Variants in BEND2 observed in about 807,000 individuals in gnomAD.
BEND2 encodes the protein BEN domain containing 2, also known as BEN domain-containing protein 2.
BEND2 carries 19 observed loss-of-function variants against 43.8 expected under a neutral mutation model. The observed-to-expected ratio is 0.43, with a 90% CI of 0.30 to 0.64. The LOEUF is 0.64. BEND2 is among the 30% of genes least tolerant of loss of function. BEND2 has a pLI of 0.11. For missense variants in BEND2, 544 were observed against 574.0 expected, an observed-to-expected ratio of 0.95 and a Z score of 0.53; for synonymous variants, 226 against 210.1, an observed-to-expected ratio of 1.08 and a Z score of -0.66.
At chrX:18,184,898 A>C (rs766955174) in intron 8 of BEND2, among the ~76,000 whole-genome samples, 2 of 110,630 alleles carry the variant, frequency 1.8e-5, no homozygotes, top group Admixed American at 9.8e-5. Context: ...TTTTGAGGAA[A>C]CTCAAAGAAA....
chrX:18,167,291 A>AT (rs1377545706), intron 13 of BEND2, among the ~76,000 whole-genome samples: 2 of 110,870 alleles, frequency 1.8e-5, no homozygotes, highest in Non-Finnish European at 3.8e-5. Flanking sequence ...AGAAAAAAAA[A>AT]GAAAGAAAGA....
intron 6 of BEND2, among the ~76,000 whole-genome samples, chrX:18,196,405 A>G (rs761769078): frequency 1.8e-5 from 2 of 111,345 alleles, no homozygotes. Context: ...AATGTTTGGC[A>G]GTTTCTTATA....
chrX:18,207,892 G>C (rs1179450731), intron 4 of BEND2, among the ~76,000 whole-genome samples: 1 of 111,184 alleles, frequency 9.0e-6, no homozygotes, highest in African/African-American at 3.3e-5. Context: ...GGTGGCGCAC[G>C]CCTGTAATCC....
intron 4 of BEND2, among the ~76,000 whole-genome samples, chrX:18,207,148 C>A (rs1012162833): frequency 1.8e-5 from 2 of 111,804 alleles, no homozygotes; most frequent in South Asian, 7.6e-4. Context: ...CACTTCCCCC[C>A]AAGACTGCAT....
rs186679187 is a variant in BEND2, at chrX:18,191,744, C to T, written c.1181-636G>A. ...TGCCTGTGGTAGAGGATACATGAAC[C>T]TAAACATATGATAAAAATTGAACTA... On this transcript the variant is annotated intron_variant, in intron 7 of 13. Coordinates refer to ENST00000380033, the MANE Select transcript of BEND2 (RefSeq NM_153346.5). Among the ~76,000 whole-genome samples, 8 of 111,793 alleles carry T rather than the reference C, an allele frequency of 7.2e-5. No homozygotes were observed. The East Asian group carries it at 2.2e-3, about 31-fold the overall frequency.
chrX:18,186,510 A>C (rs1318366182), intron 8 of BEND2, among the ~76,000 whole-genome samples: 1 of 109,481 alleles, frequency 9.1e-6, no homozygotes, highest in African/African-American at 3.3e-5. Flanking sequence ...AGAGAAACAA[A>C]AAGTTAAAAA....
chrX:18,180,972 G>A (rs766180166), intron 8 of BEND2, among the ~76,000 whole-genome samples: 4 of 109,937 alleles, frequency 3.6e-5, no homozygotes, highest in African/African-American at 6.6e-5. Context: ...ATGGGGTTTC[G>A]CCATGTTGGC....
chrX:18,191,750 A>G (rs1924778681), intron 7 of BEND2, among the ~76,000 whole-genome samples: 1 of 112,035 alleles, frequency 8.9e-6, no homozygotes, highest in South Asian at 3.7e-4. Context: ...GAACCTAAAC[A>G]TATGATAAAA....
At position 18,196,301 on chromosome X, in the gene BEND2, G is replaced by GA. The variant is rs1203100598; in HGVS notation, c.1034-860dup. 3.7e-3 allele frequency among the ~76,000 whole-genome samples: 313 copies of GA among 83,652 alleles called. 2 individuals are homozygous for GA. The highest frequency in any genetic ancestry group is 0.017 in the Middle Eastern group (3 of 172). The allele number at this position is 83,652 out of a possible 115,157, so 72.6% of individuals were successfully genotyped here. ...ATGACAGAGCGAGACTGTCTCAATT[G>GA]AAAAAAAAAAAAGGAAAGAAGAGAA... On this transcript the variant is annotated intron_variant, in intron 6 of 13. Transcript: ENST00000380033.
At chrX:18,201,766 T>G in intron 6 of BEND2, 49 bp downstream of exon 6, 1 of 1,169,444 alleles carries the variant, frequency 8.6e-7, no homozygotes, top group Non-Finnish European at 1.1e-6. Context: ...GTGCTGGGAT[T>G]ACAAGTGTGA....
At chrX:18,203,164 G>A (rs1602049311) in intron 5 of BEND2, among the ~76,000 whole-genome samples, 1 of 111,402 alleles carries the variant, frequency 9.0e-6, no homozygotes, top group Non-Finnish European at 1.9e-5. Flanking sequence ...GTTATAGAAA[G>A]GCAAGACAAG....
In BEND2 at chrX:18,165,032, C is replaced by T. The variant is rs778736205; in HGVS notation, c.2377G>A (p.Asp793Asn). The T allele has an allele frequency of 1.7e-5, 20 of 1,206,628 alleles. No individual in the cohort carries two copies. The highest frequency in any genetic ancestry group is 5.9e-5 in the East Asian group (2 of 33,701). ...GTTCAGGTGCTTGGGTCAGTGGCGT[C>T]GGGATCTCCTGGCTTTGACTCCTGC... is the stretch of plus-strand genomic sequence containing the variant. ...LEQESKPGDP[D>N]ATDPST The change falls in exon 14 of 14, where the codon GAC becomes AAC. Residue 793 changes from aspartate to asparagine, a missense_variant. This residue lies in a region of BEND2 where 43 missense variants were observed against 72.4 expected (regional missense o/e 0.59). Transcript: ENST00000380033.
intron 4 of BEND2, among the ~76,000 whole-genome samples, chrX:18,209,504 C>CA (rs956052673): frequency 2.7e-5 from 3 of 111,147 alleles, no homozygotes; most frequent in Non-Finnish European, 5.7e-5. Context: ...TTAACATCAC[C>CA]AATAAAAAAA....
chrX:18,173,695 T>C (rs1924046033), intron 12 of BEND2, among the ~76,000 whole-genome samples: 1 of 111,624 alleles, frequency 9.0e-6, no homozygotes, highest in South Asian at 3.8e-4. Context: ...GCACCTGCAA[T>C]GTGCCAGGCA....
chrX:18,186,572 G>T (rs1485808911), intron 8 of BEND2, among the ~76,000 whole-genome samples: 1 of 109,980 alleles, frequency 9.1e-6, no homozygotes, highest in Non-Finnish European at 1.9e-5. Context: ...TTTGCTTGTT[G>T]GTTGGTTTGT....
At chrX:18,212,435 C>A in intron 4 of BEND2, 130 bp downstream of exon 4, 1 of 473,249 alleles carries the variant, frequency 2.1e-6, no homozygotes, top group Admixed American at 3.6e-5. Flanking sequence ...TAAGTATACA[C>A]ATTTATCAAA....
Position 18,164,908 on chromosome X carries a change from T to C in BEND2, c.*101A>G. 1.1e-6 allele frequency: 1 copy of C among 907,053 alleles called. No homozygotes were observed. Among genetic ancestry groups the C allele is most frequent in the South Asian group, 2.4e-5 (1 of 41,695 alleles). 74.8% of individuals were successfully genotyped at this position (907,053 alleles called of 1,213,427 possible). A position where few individuals can be genotyped will look rare whatever the true frequency, so the allele number is the denominator to read the frequency against. The stretch of plus-strand genomic sequence containing the variant: ...GATTACTACAGGTGTCAATGCAAAC[T>C]ACTCTGCCAGTACAGCAGGCTGATT... On this transcript the variant is annotated 3_prime_UTR_variant, in exon 14 of 14. Transcript: ENST00000380033.
At chrX:18,207,179 G>A (rs903484424) in intron 4 of BEND2, among the ~76,000 whole-genome samples, 5 of 111,832 alleles carry the variant, frequency 4.5e-5, no homozygotes, top group Non-Finnish European at 5.6e-5. Context: ...GAAGCACTCC[G>A]CTTCTGTTCT....
chrX:18,177,576 T>C lies in BEND2; in HGVS notation c.1623A>G (p.Ala541=), dbSNP rs982597879. The change falls in exon 10 of 14, where the codon GCA becomes GCG. Residue 541 remains alanine, a synonymous_variant. Coordinates refer to ENST00000380033, the MANE Select transcript of BEND2 (RefSeq NM_153346.5). ...CACTTTATGTACACATACCTCTCAA[T>C]GCAGCCATTTTGTTCGGGTCGAGGG... The part of the protein sequence containing the change: ...SQSLDPNKMA[A]LREYLATTFP... 1 of 1,208,374 alleles carries C rather than the reference T, an allele frequency of 8.3e-7. No individual in the cohort carries two copies. Among genetic ancestry groups the C allele is most frequent in the Non-Finnish European group, 1.1e-6 (1 of 892,569 alleles).
Sources: allele counts gnomAD v4.1 joint callset (sites outside exome capture counted in the v4.1 genomes callset), GRCh38; gene constraint gnomAD v4.1.1; regional missense constraint gnomAD v4.1.1; transcripts MANE v1.5; gene names NCBI Gene and HGNC (gene_info 2026-07-23, HGNC 2026-07-21).